Variants in PCDHA10 observed in about 807,000 individuals in gnomAD.
The protein encoded by PCDHA10 is protocadherin alpha-10.
Under a neutral mutation model 61.2 loss-of-function variants are expected in PCDHA10, and 45 were observed. The observed-to-expected ratio is 0.74, with a 90% CI of 0.58 to 0.94. PCDHA10 has a LOEUF of 0.94. PCDHA10 is among the 40% of genes least tolerant of loss of function. The pLI, the probability that PCDHA10 is intolerant of heterozygous loss-of-function variation, is 0.00. For synonymous variants in PCDHA10, 602 were observed against 548.8 expected, an observed-to-expected ratio of 1.10 and a Z score of -1.35; for missense variants, 1,278 against 1,236.2, an observed-to-expected ratio of 1.03 and a Z score of -0.51.
At chr5:140,987,560 G>A (rs2097259227) in intron 3 of PCDHA10, among the ~76,000 whole-genome samples, 36 of 152,130 alleles carry the variant, frequency 2.4e-4, no homozygotes, top group Admixed American at 2.4e-3. Flanking sequence ...CTGATTCTCA[G>A]TTTCTTTCTC....
intron 1 of PCDHA10, among the ~76,000 whole-genome samples, chr5:140,916,601 G>A (rs2077638535): frequency 6.6e-6 from 1 of 152,188 alleles, no homozygotes. Flanking sequence ...GGCCTGGAAT[G>A]CGGGCCTCAT....
At chr5:140,864,940 G>T (rs528676037) in intron 1 of PCDHA10, 4 of 152,296 alleles carry the variant, frequency 2.6e-5, no homozygotes, top group African/African-American at 9.6e-5. Flanking sequence ...TCTCAGGCCT[G>T]TAATCCCAGC....
chr5:140,997,921 G>T lies in PCDHA10; in HGVS notation c.2537-11706G>T, dbSNP rs553205382. On this transcript the variant is annotated intron_variant, in intron 3 of 3. Coordinates refer to ENST00000307360, the MANE Select transcript of PCDHA10 (RefSeq NM_018901.4). ...CAAGAAGTAGAATTACAGAATCATA[G>T]GATATAAAAATATCAAATTGGCAAA... is the stretch of plus-strand genomic sequence containing the variant. Among the ~76,000 whole-genome samples the T allele has an allele frequency of 1.1e-4, 16 of 152,200 alleles. No homozygotes were observed. The South Asian group carries it at 3.3e-3, about 32-fold the overall frequency.
intron 3 of PCDHA10, among the ~76,000 whole-genome samples, chr5:140,995,404 A>G (rs941348184): frequency 1.3e-5 from 2 of 152,184 alleles, no homozygotes; most frequent in Admixed American, 6.5e-5. Flanking sequence ...ATGGCTCGAG[A>G]TTTCATCACA....
Position 140,875,692 on chromosome 5 carries a change from C to G in PCDHA10, c.2388+17256C>G, listed in dbSNP as rs781893034. On this transcript the variant is annotated intron_variant, in intron 1 of 3. Coordinates refer to ENST00000307360, the MANE Select transcript of PCDHA10 (RefSeq NM_018901.4). ...GGTGGCGTCCAAAAGACACGGGGAC[C>G]TTCTGGAGGTAAATCTGCAGAATGG... The G allele has an allele frequency of 3.7e-6, 6 of 1,613,938 alleles. No individual in the cohort carries two copies. In the African/African-American group the frequency reaches 5.3e-5, roughly 14 times the overall value.
At chr5:140,870,962 C>T (rs1489353896) in intron 1 of PCDHA10, 3 of 1,613,532 alleles carry the variant, frequency 1.9e-6, no homozygotes, top group Admixed American at 1.7e-5. Context: ...TCGCGCATCC[C>T]GTTCCGCGTG....
chr5:140,953,938 C>T (rs1349031672), intron 1 of PCDHA10, among the ~76,000 whole-genome samples: 1 of 152,088 alleles, frequency 6.6e-6, no homozygotes, highest in African/African-American at 2.4e-5. Context: ...CTCTCCCTCC[C>T]ATTGCTCCCC....
At chr5:140,877,374 A>T in intron 1 of PCDHA10, 1 of 1,613,970 alleles carries the variant, frequency 6.2e-7, no homozygotes, top group African/African-American at 1.3e-5. Flanking sequence ...TCAGCACGAC[A>T]CGCATCCTGG....
chr5:140,898,275 T>C (rs13181478), intron 1 of PCDHA10, among the ~76,000 whole-genome samples: 1 of 152,166 alleles, frequency 6.6e-6, no homozygotes, highest in Non-Finnish European at 1.5e-5. Context: ...ATGCCTAAGT[T>C]CTGAATGGTA....
At chr5:140,967,351 G>C in intron 1 of PCDHA10, 1 of 1,608,106 alleles carries the variant, frequency 6.2e-7, no homozygotes, top group South Asian at 1.1e-5. Context: ...ACTTCGAGCT[G>C]GACCTTAAGC....
In PCDHA10 at chr5:140,957,188, C is replaced by T. The variant is rs374236292; in HGVS notation, c.2389-21761C>T. On this transcript the variant is annotated intron_variant, in intron 1 of 3. Transcript: ENST00000307360. ...GTATATAAATTGGTTTATTGATGAC[C>T]GATTGGGAATATAAATAGGCACAAA... is the stretch of plus-strand genomic sequence containing the variant. 2.1e-3 allele frequency among the ~76,000 whole-genome samples: 315 copies of T among 151,992 alleles called. 3 individuals carry two copies. The highest frequency in any genetic ancestry group is 7.3e-3 in the African/African-American group (304 of 41,464).
At chr5:140,877,798 C>T in intron 1 of PCDHA10, 2 of 1,613,568 alleles carry the variant, frequency 1.2e-6, no homozygotes. Flanking sequence ...CAGCCCAAGC[C>T]TTCAGCTGTC....
chr5:141,007,844 C>T (rs782712601), intron 3 of PCDHA10, among the ~76,000 whole-genome samples: 3 of 152,176 alleles, frequency 2.0e-5, no homozygotes, highest in Non-Finnish European at 4.4e-5. Context: ...ATTAGAGACT[C>T]AAAGTCCTTA....
In PCDHA10 at chr5:140,857,966, G is replaced by C. The variant is rs1212933789; in HGVS notation, c.1918G>C (p.Asp640His). 1.9e-6 allele frequency: 3 copies of C among 1,596,950 alleles called. No individual in the cohort carries two copies. The highest frequency in any genetic ancestry group is 1.1e-5 in the South Asian group (1 of 90,498). ...TACGACGCGCGCTCTGGATGAGACT[G>C]ACTCGCCACGCCAGCGCCTACTGGT... is the stretch of plus-strand genomic sequence containing the variant. Reference protein sequence around the residue: ...ISTTRALDETDSPRQRLLVLV... With the variant: ...ISTTRALDETHSPRQRLLVLV... Residue 640 changes from aspartate to histidine, a missense_variant, in exon 1 of 4, where the codon GAC becomes CAC. Transcript: ENST00000307360.
chr5:140,863,007 A>G (rs1554157449), intron 1 of PCDHA10: 1 of 551,416 alleles, frequency 1.8e-6, no homozygotes, highest in Non-Finnish European at 3.6e-6. Context: ...GACTCCAGCT[A>G]TGACGCCTGG....
intron 1 of PCDHA10, chr5:140,929,609 A>G: frequency 2.4e-6 from 1 of 410,256 alleles, no homozygotes; most frequent in Non-Finnish European, 4.4e-6. Flanking sequence ...TAAAAATAAA[A>G]TACCAAAATA....
chr5:140,955,889 G>A (rs246016), intron 1 of PCDHA10, among the ~76,000 whole-genome samples: 85,633 of 151,918 alleles, frequency 0.56, 24,754 homozygotes, highest in African/African-American at 0.69. Flanking sequence ...ATTCCTAGGT[G>A]TTTTATTCTC....
At chr5:140,926,296 G>A in intron 1 of PCDHA10, 1 of 152,316 alleles carries the variant, frequency 6.6e-6, no homozygotes, top group Non-Finnish European at 1.5e-5. Context: ...GCTGAGTCCC[G>A]CCCTCTCCGC....
intron 1 of PCDHA10, among the ~76,000 whole-genome samples, chr5:140,945,084 G>A (rs2093736806): frequency 6.6e-6 from 1 of 151,822 alleles, no homozygotes; most frequent in Admixed American, 6.6e-5. Context: ...AACACTCTTG[G>A]AACTAATAAA....
Sources: allele counts gnomAD v4.1 joint callset (sites outside exome capture counted in the v4.1 genomes callset), GRCh38; gene constraint gnomAD v4.1.1; transcripts MANE v1.5; gene names NCBI Gene and HGNC (gene_info 2026-07-23, HGNC 2026-07-21).